The following PTPN14 variants were observed in gnomAD, a reference collection of about 807,000 sequenced individuals.
PTPN14 encodes tyrosine-protein phosphatase non-receptor type 14.
A neutral mutation model predicts 126.8 loss-of-function variants in PTPN14; 53 were observed. That is an observed-to-expected ratio of 0.42 (90% CI 0.34 to 0.53). The LOEUF (loss-of-function observed/expected upper bound fraction) is 0.53, where lower values mean the gene tolerates loss of function less well. Among genes scored for constraint, PTPN14 ranks in the 20% least tolerant of loss-of-function variants. PTPN14 has a pLI of 0.08. For synonymous variants in PTPN14, 630 were observed against 599.3 expected (o/e 1.05, Z -0.75); for missense variants, 1,257 against 1,552.9 (o/e 0.81, Z 3.20).
intron 1 of PTPN14, among the ~76,000 whole-genome samples, chr1:214,501,434 G>A (rs1213563233): frequency 6.6e-6 from 1 of 151,978 alleles, no homozygotes; most frequent in Non-Finnish European, 1.5e-5. Flanking sequence ...TAGAGACGGG[G>A]CTTCGTGATG....
intron 3 of PTPN14, among the ~76,000 whole-genome samples, chr1:214,435,787 G>A (rs1176381455): frequency 1.1e-4 from 16 of 152,150 alleles, no homozygotes; most frequent in Admixed American, 8.5e-4. Context: ...CTGCTGGTGG[G>A]AATGTAAATT....
At chr1:214,377,225 G>A (rs2936014) in intron 14 of PTPN14, among the ~76,000 whole-genome samples, 124,348 of 152,238 alleles carry the variant, frequency 0.82, 51,423 homozygotes, top group African/African-American at 0.94. Flanking sequence ...TTTTGCGGGA[G>A]ACATGGATGG....
intron 1 of PTPN14, among the ~76,000 whole-genome samples, chr1:214,498,865 G>C (rs1571624970): frequency 6.6e-6 from 1 of 152,106 alleles, no homozygotes; most frequent in African/African-American, 2.4e-5. Flanking sequence ...CTGGAGTACA[G>C]TGGTGTGATC....
chr1:214,393,901 A>C lies in PTPN14; in HGVS notation c.847-124T>G, dbSNP rs192409905. 2,546 of 751,432 alleles carry C rather than the reference A, an allele frequency of 3.4e-3. 11 individuals carry two copies. Among genetic ancestry groups the C allele is most frequent in the Non-Finnish European group, 4.4e-3 (1,962 of 447,742 alleles). The allele number at this position is 751,432 out of a possible 1,614,324, so 46.5% of individuals were successfully genotyped here. ...CTTCATCTCAAGCACAAAATAATAC[A>C]TGGGCCAGCAAGGTAAACCAGCCTG... On this transcript the variant is annotated intron_variant, in intron 9 of 18. Transcript: ENST00000366956.
intron 1 of PTPN14, chr1:214,532,566 T>A (rs892504615): frequency 3.7e-6 from 4 of 1,074,660 alleles, no homozygotes; most frequent in Non-Finnish European, 5.8e-6. Context: ...CTGGGGGCCA[T>A]TACTTCAAGA....
chr1:214,401,049 G>C (rs960501036), intron 7 of PTPN14, among the ~76,000 whole-genome samples: 1 of 152,134 alleles, frequency 6.6e-6, no homozygotes, highest in African/African-American at 2.4e-5. Context: ...GGTCAACAGA[G>C]AGTGGAAAAT....
chr1:214,537,345 G>C lies in PTPN14; in HGVS notation c.-155+13838C>G, dbSNP rs372578290. ...TTTGCCTTTGAGAAGTGGTGATGAA[G>C]AGTGGATACAAGCACAAGCTCTGGA... On this transcript the variant is annotated intron_variant, in intron 1 of 18. Transcript: ENST00000366956. Among the ~76,000 whole-genome samples, 72 of 152,334 alleles carry C rather than the reference G, an allele frequency of 4.7e-4. No homozygotes were observed. In the Middle Eastern group the frequency reaches 0.037, roughly 79 times the overall value.
intron 3 of PTPN14, among the ~76,000 whole-genome samples, chr1:214,433,713 G>A (rs757966097): frequency 3.3e-5 from 5 of 151,918 alleles, no homozygotes; most frequent in Non-Finnish European, 7.4e-5. Flanking sequence ...ATATATAAAC[G>A]AATGAATGAC....
At chr1:214,450,141 T>TAAATAAATAAAC (rs780411728) in intron 3 of PTPN14, among the ~76,000 whole-genome samples, 3 of 129,564 alleles carry the variant, frequency 2.3e-5, no homozygotes, top group East Asian at 2.2e-4. Flanking sequence ...TCAAAATAAA[T>TAAATAAATAAAC]AAATAAATAA....
chr1:214,495,768 C>T (rs184925420), intron 1 of PTPN14, among the ~76,000 whole-genome samples: 37 of 152,200 alleles, frequency 2.4e-4, no homozygotes, highest in Non-Finnish European at 2.6e-4. Context: ...GATCTCAGCT[C>T]ACCGCAACCT....
chr1:214,500,781 C>G (rs1257203605), intron 1 of PTPN14, among the ~76,000 whole-genome samples: 1 of 152,078 alleles, frequency 6.6e-6, no homozygotes, highest in Non-Finnish European at 1.5e-5. Flanking sequence ...AAATCTGAAG[C>G]CAGCAAATGA....
At chr1:214,373,600 C>G (rs1022917797) in intron 15 of PTPN14, among the ~76,000 whole-genome samples, 1 of 141,478 alleles carries the variant, frequency 7.1e-6, no homozygotes, top group Non-Finnish European at 1.6e-5. Flanking sequence ...CACACACACA[C>G]ACACACACCT....
chr1:214,397,833 C>A, intron 8 of PTPN14, 80 bp downstream of exon 8: 1 of 1,193,796 alleles, frequency 8.4e-7, no homozygotes, highest in South Asian at 1.4e-5. Context: ...GCTCTTAACT[C>A]ATTTGGATGT....
intron 1 of PTPN14, among the ~76,000 whole-genome samples, chr1:214,502,216 AG>A (rs1350452501): frequency 6.6e-6 from 1 of 152,082 alleles, no homozygotes; most frequent in East Asian, 1.9e-4. Flanking sequence ...GGTGCTTCTA[AG>A]GGGGGAAGAG....
chr1:214,495,246 G>T (rs1421171880), intron 1 of PTPN14, among the ~76,000 whole-genome samples: 1 of 152,198 alleles, frequency 6.6e-6, no homozygotes, highest in Non-Finnish European at 1.5e-5. Flanking sequence ...TCATCTGTAA[G>T]ATGAAAACAG....
chr1:214,392,450 T>G (rs1407043230), intron 10 of PTPN14, among the ~76,000 whole-genome samples: 1 of 152,186 alleles, frequency 6.6e-6, no homozygotes, highest in Non-Finnish European at 1.5e-5. Flanking sequence ...GAGCTGTGGT[T>G]AAATCAGAAG....
Position 214,369,507 on chromosome 1 carries a change from T to C in PTPN14, c.3221A>G (p.Tyr1074Cys). The change falls in exon 17 of 19, where the codon TAT becomes TGT. Residue 1074 changes from tyrosine to cysteine, a missense_variant. Coordinates refer to ENST00000366956, the MANE Select transcript of PTPN14 (RefSeq NM_005401.5). Reference protein sequence around the residue: ...GQERTVWHLQYTDWPDHGCPE... With the variant: ...GQERTVWHLQCTDWPDHGCPE... ...ACAGCCGTGATCTGGCCAGTCAGTATATTGTAAATGCCACACCGTCCTTTC... is the reference window on the plus strand; with the variant it reads ...ACAGCCGTGATCTGGCCAGTCAGTACATTGTAAATGCCACACCGTCCTTTC... The C allele has an allele frequency of 6.2e-7, 1 of 1,614,182 alleles. No homozygotes were observed. The highest frequency in any genetic ancestry group is 8.5e-7 in the Non-Finnish European group (1 of 1,180,046).
chr1:214,369,813 C>A (rs1658171459), intron 16 of PTPN14, 122 bp from the exon 17 acceptor site: 4 of 811,460 alleles, frequency 4.9e-6, no homozygotes, highest in Non-Finnish European at 8.4e-6. Context: ...CAGTAGCACT[C>A]TGCAGTGTCT....
chr1:214,453,602 G>A (rs1198861001), intron 2 of PTPN14, among the ~76,000 whole-genome samples: 1 of 151,872 alleles, frequency 6.6e-6, no homozygotes, highest in Non-Finnish European at 1.5e-5. Flanking sequence ...TTGCTGCTGC[G>A]GCTGCACGAC....
Sources: allele counts gnomAD v4.1 joint callset (sites outside exome capture counted in the v4.1 genomes callset), GRCh38; gene constraint gnomAD v4.1.1; transcripts MANE v1.5; gene names NCBI Gene and HGNC (gene_info 2026-07-23, HGNC 2026-07-21).